Variants in NRXN3 observed in about 807,000 individuals in gnomAD.
The protein encoded by NRXN3 is neurexin 3.
A neutral mutation model predicts 137.6 loss-of-function variants in NRXN3; 32 were observed. The ratio of observed to expected loss-of-function variants is 0.23; its 90% CI spans 0.18 to 0.31. The LOEUF is 0.31. Ranked by LOEUF, NRXN3 falls within the 10% of genes least tolerant of loss-of-function variation. NRXN3 has a pLI of 1.00. For synonymous variants in NRXN3, 798 were observed against 784.5 expected (o/e 1.02, Z -0.29); for missense variants, 1,574 against 2,062.5 (o/e 0.76, Z 4.59).
At chr14:79,521,357 T>C (rs2097062191) in intron 16 of NRXN3, among the ~76,000 whole-genome samples, 1 of 152,280 alleles carries the variant, frequency 6.6e-6, no homozygotes. Flanking sequence ...TTTTTAGTGC[T>C]CAATATATTT....
chr14:78,719,799 G>A (rs183512932), intron 8 of NRXN3, among the ~76,000 whole-genome samples: 20 of 152,238 alleles, frequency 1.3e-4, no homozygotes, highest in Admixed American at 3.3e-4. Flanking sequence ...CCAAGATCAT[G>A]CAGTTGCACT....
rs1020162629 is a variant in NRXN3, at chr14:79,072,164, A to G, written c.3262+84023A>G. On this transcript the variant is annotated intron_variant, in intron 15 of 20. Transcript: ENST00000335750. ...GGTTTCTGATTATTTTTAAACAGCC[A>G]TTCAAGACCAATGCAGATACCTAGG... 6.0e-4 allele frequency: 92 copies of G among 152,320 alleles called. 1 individual carries two copies. Among genetic ancestry groups the G allele is most frequent in the African/African-American group, 2.1e-3 (87 of 41,588 alleles). 9.4% of individuals were successfully genotyped at this position (152,320 alleles called of 1,614,324 possible).
At chr14:78,713,562 T>A (rs181712351) in intron 7 of NRXN3, among the ~76,000 whole-genome samples, 1 of 152,376 alleles carries the variant, frequency 6.6e-6, no homozygotes, top group Admixed American at 6.5e-5. Context: ...TTTATTGGGT[T>A]ACTTATTGTA....
chr14:79,766,813 G>T (rs889039915), intron 19 of NRXN3, among the ~76,000 whole-genome samples: 4 of 152,220 alleles, frequency 2.6e-5, no homozygotes, highest in African/African-American at 9.6e-5. Context: ...GGAAGAAGAA[G>T]GGCATGGTTG....
chr14:78,780,982 G>C (rs2098767223), intron 8 of NRXN3, among the ~76,000 whole-genome samples: 1 of 152,142 alleles, frequency 6.6e-6, no homozygotes, highest in African/African-American at 2.4e-5. Context: ...CATTGAGCTA[G>C]TTATTAGAAT....
intron 1 of NRXN3, among the ~76,000 whole-genome samples, chr14:78,236,737 C>T (rs867523495): frequency 2.1e-5 from 3 of 145,594 alleles, no homozygotes; most frequent in African/African-American, 7.5e-5. Flanking sequence ...ATTCCCCCCC[C>T]CCTTTTTTTT....
intron 10 of NRXN3, among the ~76,000 whole-genome samples, chr14:78,905,163 T>G (rs2099211522): frequency 6.6e-6 from 1 of 152,042 alleles, no homozygotes; most frequent in South Asian, 2.1e-4. Context: ...AAGTGTACTG[T>G]GCCTATTTCT....
intron 17 of NRXN3, among the ~76,000 whole-genome samples, chr14:79,690,347 C>A (rs552324575): frequency 6.6e-6 from 1 of 152,128 alleles, no homozygotes; most frequent in South Asian, 2.1e-4. Flanking sequence ...TATATTCTTT[C>A]GCCATGGGCT....
At chr14:78,687,822 T>C (rs12432585) in intron 6 of NRXN3, among the ~76,000 whole-genome samples, 17,310 of 152,202 alleles carry the variant, frequency 0.11, 1,034 homozygotes, top group Admixed American at 0.15. Context: ...TGGCCAGAAG[T>C]AATCATATGG....
chr14:79,019,645 G>A (rs1226764289), intron 15 of NRXN3, among the ~76,000 whole-genome samples: 1 of 152,158 alleles, frequency 6.6e-6, no homozygotes, highest in Admixed American at 6.5e-5. Context: ...AAAAGGTGTA[G>A]AAGAATTACA....
intron 16 of NRXN3, among the ~76,000 whole-genome samples, chr14:79,556,489 C>T (rs7140480): frequency 0.49 from 74,120 of 152,010 alleles, 20,672 homozygotes; most frequent in Admixed American, 0.62. Context: ...TTGTCTGCCC[C>T]TGAGATTCCT....
chr14:79,731,324 G>C (rs560495823), intron 19 of NRXN3, among the ~76,000 whole-genome samples: 211 of 152,250 alleles, frequency 1.4e-3, no homozygotes, highest in Non-Finnish European at 2.1e-3. Flanking sequence ...TTTATTTTGA[G>C]CTGTGATTTT....
chr14:79,367,015 G>GCT (rs1448510034), intron 15 of NRXN3, among the ~76,000 whole-genome samples: 3 of 103,738 alleles, frequency 2.9e-5, no homozygotes, highest in Non-Finnish European at 5.3e-5. Context: ...ATGGAGTCTT[G>GCT]CTCTGTCACC....
intron 4 of NRXN3, among the ~76,000 whole-genome samples, chr14:78,510,085 G>A (rs548883928): frequency 9.7e-5 from 14 of 144,966 alleles, no homozygotes; most frequent in Non-Finnish European, 1.9e-4. Context: ...ATGAGTATTA[G>A]TAACATACTA....
chr14:78,812,531 T>C (rs1250793655), intron 10 of NRXN3, among the ~76,000 whole-genome samples: 1 of 152,144 alleles, frequency 6.6e-6, no homozygotes, highest in Non-Finnish European at 1.5e-5. Context: ...ATCCACACTT[T>C]CTCATGAAGT....
chr14:78,790,467 C>T (rs561825523), intron 8 of NRXN3, among the ~76,000 whole-genome samples: 3 of 152,256 alleles, frequency 2.0e-5, no homozygotes, highest in Non-Finnish European at 2.9e-5. Context: ...TCCCTGGAAC[C>T]GTTGGGTCTG....
rs573233731 is a variant in NRXN3 at position 79,743,597 on chromosome 14, T to C, written c.4014+45660T>C. ...TAAAACATTCCCCAAGTGATTCTAA[T>C]AGGTGGTCGACATGCCATACTTTGA... On this transcript the variant is annotated intron_variant, in intron 19 of 20. Transcript: ENST00000335750. Among the ~76,000 whole-genome samples, 20 of 152,318 alleles carry C rather than the reference T, an allele frequency of 1.3e-4. 1 individual carries two copies. In the South Asian group the frequency reaches 3.9e-3, roughly 30 times the overall value.
chr14:78,352,679 G>A (rs1320137580), intron 4 of NRXN3, among the ~76,000 whole-genome samples: 1 of 152,186 alleles, frequency 6.6e-6, no homozygotes, highest in Non-Finnish European at 1.5e-5. Context: ...TTTGAGATAA[G>A]AGAGATTTGT....
chr14:79,642,186 CAT>C (rs2098436574), intron 16 of NRXN3, among the ~76,000 whole-genome samples: 1 of 135,374 alleles, frequency 7.4e-6, no homozygotes, highest in Non-Finnish European at 1.7e-5. Context: ...GCACAGAGAC[CAT>C]TCTTGTCTCC....
Sources: gnomAD v4.1 joint callset for allele counts (sites outside exome capture counted in the v4.1 genomes callset) on GRCh38, gnomAD v4.1.1 for gene constraint, MANE v1.5 for transcripts, NCBI Gene and HGNC (gene_info 2026-07-23, HGNC 2026-07-21) for gene names.